The following DOCK3 variants were observed in gnomAD, a reference collection of about 807,000 sequenced individuals.
DOCK3 encodes dedicator of cytokinesis protein 3.
In DOCK3, 60 loss-of-function variants were observed where a neutral mutation model predicts 265.6. The observed-to-expected ratio is 0.23, with a 90% CI of 0.18 to 0.28. The LOEUF (loss-of-function observed/expected upper bound fraction) is 0.28, where lower values mean the gene tolerates loss of function less well. DOCK3 is among the 10% of genes least tolerant of loss of function. DOCK3 has a pLI of 1.00. For missense variants in DOCK3, 1,981 were observed against 2,594.3 expected, an observed-to-expected ratio of 0.76 and a Z score of 5.14; for synonymous variants, 881 against 938.0, an observed-to-expected ratio of 0.94 and a Z score of 1.11.
At chr3:51,197,401 GCGGTAGTGGGACAA>G (rs2088372121) in intron 12 of DOCK3, among the ~76,000 whole-genome samples, 1 of 152,204 alleles carries the variant, frequency 6.6e-6, no homozygotes, top group Admixed American at 6.5e-5. Context: ...GATAGCAGTA[GCGGTAGTGGGACAA>G]CTCTCTGGGT....
intron 22 of DOCK3, among the ~76,000 whole-genome samples, chr3:51,253,915 C>A (rs189788961): frequency 6.6e-6 from 1 of 151,600 alleles, no homozygotes; most frequent in Non-Finnish European, 1.5e-5. Context: ...TTTAGAGAAG[C>A]AAGTGTTTGC....
chr3:50,740,134 A>G (rs2108217858), intron 1 of DOCK3, among the ~76,000 whole-genome samples: 1 of 152,224 alleles, frequency 6.6e-6, no homozygotes, highest in East Asian at 1.9e-4. Context: ...CTTTTTGACT[A>G]CATTTCTCAT....
intron 9 of DOCK3, among the ~76,000 whole-genome samples, chr3:51,136,485 G>A (rs184714214): frequency 1.6e-4 from 25 of 151,992 alleles, no homozygotes; most frequent in Admixed American, 3.3e-4. Flanking sequence ...TGATCCACCC[G>A]TCTCGGCCTC....
At chr3:50,918,544 T>C (rs1445778553) in intron 4 of DOCK3, among the ~76,000 whole-genome samples, 1 of 152,186 alleles carries the variant, frequency 6.6e-6, no homozygotes, top group Non-Finnish European at 1.5e-5. Context: ...GTCTGTTGAC[T>C]GCATAAATGT....
chr3:51,078,788 C>G (rs2082134260), intron 7 of DOCK3, among the ~76,000 whole-genome samples: 1 of 152,106 alleles, frequency 6.6e-6, no homozygotes, highest in Admixed American at 6.6e-5. Flanking sequence ...TTTCAGGAAA[C>G]TACTGAAGAG....
intron 9 of DOCK3, among the ~76,000 whole-genome samples, chr3:51,139,392 T>C (rs1426732021): frequency 6.6e-6 from 1 of 152,134 alleles, no homozygotes; most frequent in East Asian, 1.9e-4. Flanking sequence ...AATTAGAAGG[T>C]TGATTTGTGC....
chr3:51,348,657 A>G (rs1193659944), intron 38 of DOCK3, among the ~76,000 whole-genome samples, 195 bp from the exon 39 acceptor site: 1 of 152,252 alleles, frequency 6.6e-6, no homozygotes, highest in Non-Finnish European at 1.5e-5. Context: ...GCAGAGACCT[A>G]AAAACTATGC....
intron 5 of DOCK3, among the ~76,000 whole-genome samples, chr3:50,944,543 C>T (rs1325462380): frequency 1.3e-5 from 2 of 152,098 alleles, no homozygotes; most frequent in Non-Finnish European, 2.9e-5. Context: ...GTAATTAAGG[C>T]CAAGTACTAA....
chr3:50,881,495 T>C (rs965921629), intron 3 of DOCK3, among the ~76,000 whole-genome samples: 1 of 152,202 alleles, frequency 6.6e-6, no homozygotes, highest in African/African-American at 2.4e-5. Context: ...AGCCAAATCA[T>C]GAGTGAACTC....
At chr3:51,198,220 C>T (rs997110444) in intron 12 of DOCK3, among the ~76,000 whole-genome samples, 63 of 152,336 alleles carry the variant, frequency 4.1e-4, no homozygotes, top group Non-Finnish European at 5.9e-4. Context: ...CAAATAGACC[C>T]AGGAAAGTTA....
rs2082588758 is a variant in DOCK3 at position 51,090,240 on chromosome 3, T to C, written c.602T>C (p.Met201Thr). 2.5e-6 allele frequency: 4 copies of C among 1,586,798 alleles called. No individual in the cohort carries two copies. Among genetic ancestry groups the C allele is most frequent in the Non-Finnish European group, 3.4e-6 (4 of 1,166,160 alleles). Residue 201 changes from methionine (M) to threonine (T), a missense_variant, in exon 9 of 53, where the codon ATG (methionine) becomes ACG (threonine). Coordinates refer to ENST00000266037, the MANE Select transcript of DOCK3 (RefSeq NM_004947.5). ...VQQSTSQVDT[M>T]RPRHGETCRM... is the part of the protein sequence containing the mutation. ...TTTCTTCCTCATTAGGTAGATACAATGCGCCCACGTCATGGGGAAACATGT... is the reference window on the plus strand; with the variant it reads ...TTTCTTCCTCATTAGGTAGATACAACGCGCCCACGTCATGGGGAAACATGT...
chr3:50,692,946 G>T (rs906379237), intron 1 of DOCK3, among the ~76,000 whole-genome samples: 1 of 152,106 alleles, frequency 6.6e-6, no homozygotes, highest in African/African-American at 2.4e-5. Context: ...ATTCTTTGTG[G>T]ATATCCAGTT....
rs71615490 is a variant in DOCK3, at chr3:50,683,843, C to G, written c.37+8543C>G. On this transcript the variant is annotated intron_variant, in intron 1 of 52. Coordinates refer to ENST00000266037, the MANE Select transcript of DOCK3 (RefSeq NM_004947.5). ...CTCCCCTCCCCGCTCTCCTCCCCCC[C>G]CCCCACCCACTCCCTCTCCCCTCTC... 5.7e-4 allele frequency among the ~76,000 whole-genome samples: 67 copies of G among 117,288 alleles called. 1 individual carries two copies. Among genetic ancestry groups the G allele is most frequent in the African/African-American group, 2.0e-3 (62 of 31,440 alleles). The allele number at this position is 117,288 out of a possible 152,430, so 76.9% of individuals were successfully genotyped here.
intron 22 of DOCK3, 95 bp downstream of exon 22, chr3:51,246,902 C>G: frequency 8.2e-7 from 1 of 1,215,348 alleles, no homozygotes; most frequent in Non-Finnish European, 1.2e-6. Flanking sequence ...ATGTAGACAT[C>G]GCAGTACCTG....
chr3:51,240,388 A>G (rs1469346556), intron 21 of DOCK3, among the ~76,000 whole-genome samples: 1 of 152,200 alleles, frequency 6.6e-6, no homozygotes, highest in Non-Finnish European at 1.5e-5. Flanking sequence ...GCCATGTGGC[A>G]ATGAGACAAA....
At chr3:51,267,380 T>C (rs1196811902) in intron 23 of DOCK3, among the ~76,000 whole-genome samples, 2 of 150,072 alleles carry the variant, frequency 1.3e-5, no homozygotes, top group Non-Finnish European at 3.0e-5. Context: ...ATGGTTTTTT[T>C]CTTTCTTTTT....
intron 1 of DOCK3, among the ~76,000 whole-genome samples, chr3:50,713,654 A>ATATT (rs994201964): frequency 6.3e-4 from 96 of 151,342 alleles, no homozygotes; most frequent in East Asian, 2.5e-3. Context: ...ATATATATAT[A>ATATT]TTTTTTGTTT....
At chr3:50,755,444 G>A (rs979659997) in intron 1 of DOCK3, among the ~76,000 whole-genome samples, 1 of 152,180 alleles carries the variant, frequency 6.6e-6, no homozygotes, top group African/African-American at 2.4e-5. Flanking sequence ...GTCTCAACTT[G>A]TTCAGTCACT....
chr3:51,227,417 C>T lies in DOCK3; in HGVS notation c.1512C>T (p.His504=), dbSNP rs1268313397. ...CCATTGACCGGTTCCGGGGCTCCCA[C>T]CTGCGCTTTGAGTTCAGACATTGTT... The part of the protein sequence containing the change: ...PIPIDRFRGS[H]LRFEFRHCST... Residue 504 remains histidine (H), a synonymous_variant, in exon 16 of 53, where the codon CAC becomes CAT. Transcript: ENST00000266037. 20 of 1,613,684 alleles carry T rather than the reference C, an allele frequency of 1.2e-5. No individual in the cohort carries two copies. Among genetic ancestry groups the T allele is most frequent in the Admixed American group, 8.3e-5 (5 of 59,988 alleles).
Sources: allele counts gnomAD v4.1 joint callset (sites outside exome capture counted in the v4.1 genomes callset), GRCh38; gene constraint gnomAD v4.1.1; transcripts MANE v1.5; gene names NCBI Gene and HGNC (gene_info 2026-07-23, HGNC 2026-07-21).